The following ZNF607 variants were observed in gnomAD, a reference collection of about 807,000 sequenced individuals.
ZNF607 encodes the protein zinc finger protein 607.
ZNF607 carries 5 observed loss-of-function variants against 12.8 expected under a neutral mutation model. The ratio of observed to expected loss-of-function variants is 0.39; its 90% confidence interval spans 0.20 to 0.82. The LOEUF is 0.82. Among genes scored for constraint, ZNF607 ranks in the 40% least tolerant of loss-of-function variants. The probability of loss-of-function intolerance (pLI) is 0.39; values close to 1 mark genes in which losing one functional copy is unlikely to be tolerated. For synonymous variants in ZNF607, 287 were observed against 276.2 expected (o/e 1.04, Z -0.39); for missense variants, 851 against 859.2 (o/e 0.99, Z 0.12).
rs2045114150 is a variant in ZNF607, at chr19:37,709,562, C to T, written c.136+134G>A. 12 of 997,968 alleles carry T rather than the reference C, an allele frequency of 1.2e-5. No individual in the cohort carries two copies. In the East Asian group the frequency reaches 3.3e-4, roughly 27 times the overall value. 61.8% of individuals were successfully genotyped at this position (997,968 alleles called of 1,614,324 possible). A position where few individuals can be genotyped will look rare whatever the true frequency, so the allele number is the denominator to read the frequency against. On this transcript the variant is annotated intron_variant, in intron 3 of 4. Transcript: ENST00000355202. ...GCCATTACTGACTCAAAGCTGAAACCACCTCAATAGAAATAGAGAAAATAA... is the reference window on the plus strand; with the variant it reads ...GCCATTACTGACTCAAAGCTGAAACTACCTCAATAGAAATAGAGAAAATAA...
At chr19:37,709,481 G>A (rs2045113423) in intron 3 of ZNF607, among the ~76,000 whole-genome samples, 1 of 152,188 alleles carries the variant, frequency 6.6e-6, no homozygotes, top group African/African-American at 2.4e-5. Flanking sequence ...AGAGGTATCA[G>A]AGGGAGGTGT....
chr19:37,702,494 A>C (rs1200324002), intron 4 of ZNF607, among the ~76,000 whole-genome samples: 1 of 152,210 alleles, frequency 6.6e-6, no homozygotes, highest in Non-Finnish European at 1.5e-5. Context: ...CAAGTAAGAT[A>C]TGTTACATTT....
rs750956162 is a variant in ZNF607, at chr19:37,698,787, G to C, written c.1344C>G (p.Pro448=). 1 of 1,613,658 alleles carries C rather than the reference G, an allele frequency of 6.2e-7. No homozygotes were observed. Among genetic ancestry groups the C allele is most frequent in the Non-Finnish European group, 8.5e-7 (1 of 1,179,790 alleles). The change falls in exon 5 of 5, where the codon CCC becomes CCG. Residue 448 remains proline (P), a synonymous_variant. Coordinates refer to ENST00000355202, the MANE Select transcript of ZNF607 (RefSeq NM_032689.5). Reference sequence around the variant, plus strand: ...ACTTCCCACATTCTTTACATTCAAAGGGTTTGTAACCAGTATGAATTCTGT... The same window carrying C: ...ACTTCCCACATTCTTTACATTCAAACGGTTTGTAACCAGTATGAATTCTGT... ...HHNRIHTGYK[P]FECKECGKSF...
At chr19:37,709,971 A>G in intron 2 of ZNF607, 149 bp from the exon 3 acceptor site, 1 of 810,316 alleles carries the variant, frequency 1.2e-6, no homozygotes, top group African/African-American at 1.7e-5. Flanking sequence ...CATGGTCAAC[A>G]TGGTGAAACC....
chr19:37,716,046 G>A (rs533831380), intron 1 of ZNF607, among the ~76,000 whole-genome samples: 4 of 152,062 alleles, frequency 2.6e-5, no homozygotes, highest in Non-Finnish European at 5.9e-5. Flanking sequence ...GGAGGTCCCT[G>A]GTAGCTCCCT....
Position 37,697,424 on chromosome 19 carries a change from T to A in ZNF607, c.*616A>T. ...CCATGTTTTCTTCTGCGGGACCCTC[T>A]CACACCTGCTTCCACTCTGACCTCC... On this transcript the variant is annotated 3_prime_UTR_variant, in exon 5 of 5. Transcript: ENST00000355202. 1 of 1,034,250 alleles carries A rather than the reference T, an allele frequency of 9.7e-7. No individual in the cohort carries two copies. The highest frequency in any genetic ancestry group is 1.3e-5 in the South Asian group (1 of 76,524). The allele number at this position is 1,034,250 out of a possible 1,614,324, so 64.1% of individuals were successfully genotyped here.
intron 4 of ZNF607, among the ~76,000 whole-genome samples, chr19:37,702,570 T>C (rs969605651): frequency 1.3e-5 from 2 of 152,196 alleles, no homozygotes; most frequent in Admixed American, 6.5e-5. Flanking sequence ...ACAAGTTATT[T>C]AGGCCCAAAG....
intron 2 of ZNF607, 37 bp downstream of exon 2, chr19:37,711,573 C>T: frequency 6.2e-7 from 1 of 1,612,320 alleles, no homozygotes; most frequent in Admixed American, 1.7e-5. Flanking sequence ...TAAAAAATCA[C>T]ACACAAACCT....
rs2044973961 is a variant in ZNF607, at chr19:37,696,401, T to C, written c.*1639A>G. 4.6e-6 allele frequency: 1 copy of C among 219,524 alleles called. No homozygotes were observed. The highest frequency in any genetic ancestry group is 9.1e-6 in the Non-Finnish European group (1 of 110,444). 13.6% of individuals were successfully genotyped at this position (219,524 alleles called of 1,614,324 possible). On this transcript the variant is annotated 3_prime_UTR_variant, in exon 5 of 5. Coordinates refer to ENST00000355202, the MANE Select transcript of ZNF607 (RefSeq NM_032689.5). The stretch of plus-strand genomic sequence containing the variant: ...TACAGAAGCTAATGTTTATTGAACG[T>C]AACAGTATATTTCATGTAGTTTCCC...
Position 37,697,788 on chromosome 19 carries a change from GA to G in ZNF607, c.*251del. ...GCAATCCAAAACTAGAGGAATATCAGAAAAGTTTTCTTATGTTATTAAAAAA... is the reference window on the plus strand; with the variant it reads ...GCAATCCAAAACTAGAGGAATATCAGAAAGTTTTCTTATGTTATTAAAAAA... On this transcript the variant is annotated 3_prime_UTR_variant, in exon 5 of 5. Coordinates refer to ENST00000355202, the MANE Select transcript of ZNF607 (RefSeq NM_032689.5). 1 of 362,342 alleles carries G rather than the reference GA, an allele frequency of 2.8e-6. No homozygotes were observed. Among genetic ancestry groups the G allele is most frequent in the East Asian group, 4.6e-5 (1 of 21,620 alleles). The allele number at this position is 362,342 out of a possible 1,614,324, so 22.4% of individuals were successfully genotyped here.
At chr19:37,716,785 A>T (rs2045179750) in intron 1 of ZNF607, among the ~76,000 whole-genome samples, 1 of 152,242 alleles carries the variant, frequency 6.6e-6, no homozygotes, top group African/African-American at 2.4e-5. Context: ...TATAACTTCA[A>T]GATATTTCAA....
intron 1 of ZNF607, among the ~76,000 whole-genome samples, chr19:37,716,731 G>A (rs11668434): frequency 0.15 from 23,263 of 152,166 alleles, 2,146 homozygotes; most frequent in Non-Finnish European, 0.21. Flanking sequence ...ATCTTAGGGA[G>A]TGAAATTTTT....
Position 37,698,111 on chromosome 19 carries a change from T to TA in ZNF607, c.2019dup (p.Lys674Ter). The TA allele has an allele frequency of 6.2e-7, 1 of 1,613,900 alleles. No homozygotes were observed. The highest frequency in any genetic ancestry group is 2.2e-5 in the East Asian group (1 of 44,882). Reference sequence around the variant, plus strand: ...AAGGACCTTCTGCATTTGTTACATTTAAAGGGTTTCTCACCAGTATGAACT... The same window carrying TA: ...AAGGACCTTCTGCATTTGTTACATTTAAAAGGGTTTCTCACCAGTATGAACT... On this transcript the variant is annotated frameshift_variant, in exon 5 of 5. Coordinates refer to ENST00000355202, the MANE Select transcript of ZNF607 (RefSeq NM_032689.5). LOFTEE classifies it low-confidence loss of function (END_TRUNC).
chr19:37,705,835 C>A (rs1349150722), intron 4 of ZNF607, among the ~76,000 whole-genome samples: 4 of 152,114 alleles, frequency 2.6e-5, no homozygotes, highest in African/African-American at 9.7e-5. Flanking sequence ...CCCACCCCTG[C>A]TCCCTTCTCT....
In ZNF607 at chr19:37,699,599, C is replaced by G. The variant is rs762817055; in HGVS notation, c.532G>C (p.Val178Leu). The G allele has an allele frequency of 6.2e-7, 1 of 1,614,110 alleles. No individual in the cohort carries two copies. The highest frequency in any genetic ancestry group is 2.2e-5 in the East Asian group (1 of 44,880). ...GCAAGGTTTGCAGGATAACTGAAGA[C>G]CTTCCCACATTCTTCACATTCATAA... ...KPYECEECGK[V>L]FSYPANLAQH... Residue 178 changes from valine to leucine, a missense_variant, in exon 5 of 5, where the codon GTC becomes CTC. By Grantham distance (32) the Val-to-Leu change is conservative. Transcript: ENST00000355202.
chr19:37,699,783 A>G lies in ZNF607; in HGVS notation c.348T>C (p.Cys116=). Residue 116 remains cysteine, a synonymous_variant, in exon 5 of 5, where the codon TGT becomes TGC. Transcript: ENST00000355202. ...GACTAAAGGACTTCTGACATTGCTT[A>G]CACTCATATGGTTTCTGTCCATTAT... is the stretch of plus-strand genomic sequence containing the variant. ...RIHNGQKPYE[C]KQCQKSFSHL... 5 of 1,614,082 alleles carry G rather than the reference A, an allele frequency of 3.1e-6. No individual in the cohort carries two copies. Among genetic ancestry groups the G allele is most frequent in the Non-Finnish European group, 4.2e-6 (5 of 1,179,982 alleles).
intron 4 of ZNF607, among the ~76,000 whole-genome samples, chr19:37,705,479 G>C (rs188495034): frequency 6.6e-6 from 1 of 152,058 alleles, no homozygotes; most frequent in Non-Finnish European, 1.5e-5. Flanking sequence ...GAGGTCAGGC[G>C]TTTGAAACCA....
At chr19:37,712,908 G>A (rs1192010963) in intron 1 of ZNF607, among the ~76,000 whole-genome samples, 1 of 152,046 alleles carries the variant, frequency 6.6e-6, no homozygotes, top group Non-Finnish European at 1.5e-5. Context: ...TGTTAGAATT[G>A]TGTCTCCAAC....
intron 4 of ZNF607, among the ~76,000 whole-genome samples, chr19:37,704,717 C>T (rs1442113251): frequency 2.6e-5 from 4 of 152,192 alleles, no homozygotes; most frequent in Non-Finnish European, 5.9e-5. Flanking sequence ...ATAATCCCAG[C>T]ACCGGGCGAG....
Sources: allele counts gnomAD v4.1 joint callset (sites outside exome capture counted in the v4.1 genomes callset), GRCh38; gene constraint gnomAD v4.1.1; transcripts MANE v1.5; gene names NCBI Gene and HGNC (gene_info 2026-07-23, HGNC 2026-07-21).